The following SUGCT variants were observed in gnomAD, a reference collection of about 807,000 sequenced individuals.
SUGCT encodes succinyl-CoA:glutarate CoA-transferase.
In SUGCT, 41 loss-of-function variants were observed where a neutral mutation model predicts 55.0. The ratio of observed to expected loss-of-function variants is 0.74; its 90% CI spans 0.58 to 0.97. The LOEUF (loss-of-function observed/expected upper bound fraction) is 0.97, where lower values mean the gene tolerates loss of function less well. Ranked by LOEUF, SUGCT falls within the 50% of genes least tolerant of loss-of-function variation. The pLI is 0.00. For missense variants in SUGCT, 568 were observed against 547.8 expected (o/e 1.04, Z -0.37); for synonymous variants, 187 against 200.4 (o/e 0.93, Z 0.56).
At chr7:40,582,961 G>C (rs1797183543) in intron 12 of SUGCT, among the ~76,000 whole-genome samples, 1 of 152,158 alleles carries the variant, frequency 6.6e-6, no homozygotes, top group Non-Finnish European at 1.5e-5. Context: ...TTTTGGATCA[G>C]TTGTGTTTTA....
At chr7:40,618,567 T>C (rs1009289345) in intron 12 of SUGCT, among the ~76,000 whole-genome samples, 5 of 152,226 alleles carry the variant, frequency 3.3e-5, no homozygotes, top group Non-Finnish European at 7.3e-5. Flanking sequence ...ATATGAAATT[T>C]TCCCTCTTCG....
intron 12 of SUGCT, among the ~76,000 whole-genome samples, chr7:40,568,320 T>A (rs976994236): frequency 6.6e-6 from 1 of 151,732 alleles, no homozygotes; most frequent in East Asian, 1.9e-4. Flanking sequence ...TTATCAGTGA[T>A]ACACACACAC....
chr7:40,918,891 A>G, the SUGCT span, among the ~76,000 whole-genome samples: 1 of 152,194 alleles, frequency 6.6e-6, no homozygotes, highest in African/African-American at 2.4e-5. Flanking sequence ...AAATATGCTT[A>G]TGTCATTGTC....
chr7:40,160,508 C>T (rs1372547414), intron 1 of SUGCT, among the ~76,000 whole-genome samples: 10 of 152,104 alleles, frequency 6.6e-5, no homozygotes, highest in South Asian at 2.1e-4. Context: ...GGATTACAGG[C>T]GTGAGCCACC....
intron 12 of SUGCT, among the ~76,000 whole-genome samples, chr7:40,523,941 T>C (rs1340935275): frequency 6.6e-6 from 1 of 152,104 alleles, no homozygotes; most frequent in Non-Finnish European, 1.5e-5. Flanking sequence ...ATCTATTATA[T>C]ATAGATTTTA....
chr7:40,973,946 T>A, the SUGCT span, among the ~76,000 whole-genome samples: 1 of 152,236 alleles, frequency 6.6e-6, no homozygotes, highest in Non-Finnish European at 1.5e-5. Context: ...GCAGATAAAT[T>A]GAAATCAATT....
At chr7:40,626,522 G>A (rs1332389313) in intron 12 of SUGCT, among the ~76,000 whole-genome samples, 1 of 152,042 alleles carries the variant, frequency 6.6e-6, no homozygotes, top group East Asian at 1.9e-4. Context: ...AAAGTGCTGG[G>A]ATTATAGGCA....
chr7:40,328,777 A>T (rs1299724156), intron 9 of SUGCT, among the ~76,000 whole-genome samples: 1 of 151,756 alleles, frequency 6.6e-6, no homozygotes, highest in Non-Finnish European at 1.5e-5. Context: ...GTGTATGTGT[A>T]TGTGTTTTGG....
intron 10 of SUGCT, among the ~76,000 whole-genome samples, chr7:40,458,698 A>G (rs1167921097): frequency 6.6e-6 from 1 of 152,200 alleles, no homozygotes; most frequent in Non-Finnish European, 1.5e-5. Flanking sequence ...ATACATGTAG[A>G]TATGCACTTA....
chr7:40,279,987 A>G (rs192914230), intron 8 of SUGCT, among the ~76,000 whole-genome samples: 2 of 152,332 alleles, frequency 1.3e-5, no homozygotes, highest in East Asian at 1.9e-4. Flanking sequence ...CATTTTGATT[A>G]TATTACATAG....
intron 13 of SUGCT, among the ~76,000 whole-genome samples, chr7:40,760,743 C>T (rs947978552): frequency 3.3e-5 from 5 of 151,784 alleles, no homozygotes; most frequent in Non-Finnish European, 2.9e-5. Context: ...GCTTAGTCAC[C>T]GAGACCTGAG....
At chr7:40,444,073 T>C (rs1333605415) in intron 9 of SUGCT, among the ~76,000 whole-genome samples, 2 of 152,140 alleles carry the variant, frequency 1.3e-5, no homozygotes, top group Non-Finnish European at 2.9e-5. Context: ...TTCTGTTCCA[T>C]TGGTCTATAT....
At chr7:40,363,927 G>A (rs576398372) in intron 9 of SUGCT, among the ~76,000 whole-genome samples, 126 of 152,230 alleles carry the variant, frequency 8.3e-4, no homozygotes, top group African/African-American at 2.9e-3. Flanking sequence ...AAAGTCTCCC[G>A]TTATTATTGT....
chr7:40,525,404 G>A (rs1398714955), intron 12 of SUGCT, among the ~76,000 whole-genome samples: 3 of 152,112 alleles, frequency 2.0e-5, no homozygotes, highest in Non-Finnish European at 4.4e-5. Flanking sequence ...GACCCTGTCA[G>A]TAATGAAGTA....
intron 8 of SUGCT, among the ~76,000 whole-genome samples, chr7:40,276,369 A>G (rs934293613): frequency 8.5e-5 from 13 of 152,200 alleles, no homozygotes; most frequent in African/African-American, 4.8e-5. Flanking sequence ...TTTGGAAGCC[A>G]TGAAGGTTTC....
chr7:40,213,828 G>T (rs747944685), intron 6 of SUGCT, among the ~76,000 whole-genome samples: 14 of 152,122 alleles, frequency 9.2e-5, no homozygotes, highest in Non-Finnish European at 1.9e-4. Flanking sequence ...TTGGCAAAGG[G>T]TTGCTCTTTC....
intron 8 of SUGCT, among the ~76,000 whole-genome samples, chr7:40,285,334 A>G (rs766650532): frequency 2.6e-5 from 4 of 152,190 alleles, no homozygotes; most frequent in Non-Finnish European, 4.4e-5. Flanking sequence ...AGCTGTGTTT[A>G]ATGATATCGG....
chr7:40,401,454 G>A (rs1233512798), intron 9 of SUGCT, among the ~76,000 whole-genome samples: 2 of 152,192 alleles, frequency 1.3e-5, no homozygotes, highest in Non-Finnish European at 2.9e-5. Flanking sequence ...AAACATGGAA[G>A]TGGAATAGCA....
chr7:40,711,118 C>T (rs1785691431), intron 12 of SUGCT, among the ~76,000 whole-genome samples: 1 of 152,194 alleles, frequency 6.6e-6, no homozygotes, highest in Admixed American at 6.5e-5. Flanking sequence ...TAAGTGAAGG[C>T]CAACGGGTGT....
Sources: gnomAD v4.1 joint callset for allele counts (sites outside exome capture counted in the v4.1 genomes callset) on GRCh38, gnomAD v4.1.1 for gene constraint, MANE v1.5 for transcripts, NCBI Gene and HGNC (gene_info 2026-07-23, HGNC 2026-07-21) for gene names.